The following NCAM2 variants were observed in gnomAD, a reference collection of about 807,000 sequenced individuals.
NCAM2 encodes neural cell adhesion molecule 2, also known as N-CAM-2.
In NCAM2, 30 loss-of-function variants were observed where a neutral mutation model predicts 98.1. The observed-to-expected ratio is 0.31, with a 90% CI of 0.23 to 0.41. The LOEUF is 0.41. NCAM2 is among the 10% of genes least tolerant of loss of function. The pLI is 1.00. For missense variants in NCAM2, 867 were observed against 1,005.8 expected, an observed-to-expected ratio of 0.86 and a Z score of 1.87; for synonymous variants, 368 against 342.4, an observed-to-expected ratio of 1.07 and a Z score of -0.83.
At chr21:21,416,520 A>AAAAC (rs920764935) in intron 10 of NCAM2, among the ~76,000 whole-genome samples, 6 of 151,942 alleles carry the variant, frequency 3.9e-5, no homozygotes, top group African/African-American at 1.5e-4. Context: ...AGAAAAAAGA[A>AAAAC]AAACACTATC....
Position 21,354,216 on chromosome 21 carries a change from G to A in NCAM2, c.1044+15682G>A, listed in dbSNP as rs527990953. Among the ~76,000 whole-genome samples the A allele has an allele frequency of 3.3e-5, 5 of 152,034 alleles. No individual in the cohort carries two copies. The East Asian group carries it at 5.8e-4, about 18-fold the overall frequency. ...TTTATTCCTGTTATACTTCTCCTACGTAGTATAGACCTACATCCACTAGAA... is the reference window on the plus strand; with the variant it reads ...TTTATTCCTGTTATACTTCTCCTACATAGTATAGACCTACATCCACTAGAA... On this transcript the variant is annotated intron_variant, in intron 8 of 17. Transcript: ENST00000400546.
chr21:21,279,581 A>C (rs754002818), intron 1 of NCAM2, among the ~76,000 whole-genome samples: 1 of 151,800 alleles, frequency 6.6e-6, no homozygotes, highest in Non-Finnish European at 1.5e-5. Flanking sequence ...CTGGTCTCAA[A>C]CTCCTGACCT....
intron 5 of NCAM2, among the ~76,000 whole-genome samples, chr21:21,307,068 G>GT (rs34586479): frequency 1 from 152,129 of 152,140 alleles, 76,059 homozygotes; most frequent in Middle Eastern, 1. Flanking sequence ...TACAGTTGTG[G>GT]TTTTTTAATC....
At chr21:21,109,739 C>T (rs2066418835) in intron 1 of NCAM2, among the ~76,000 whole-genome samples, 1 of 152,108 alleles carries the variant, frequency 6.6e-6, no homozygotes, top group South Asian at 2.1e-4. Context: ...TTCTGTTTCT[C>T]AACTGTTAAC....
Position 21,342,596 on chromosome 21 carries a change from C to T in NCAM2, c.1044+4062C>T, listed in dbSNP as rs192067222. Among the ~76,000 whole-genome samples, 8 of 152,272 alleles carry T rather than the reference C, an allele frequency of 5.3e-5. No individual in the cohort carries two copies. The East Asian group carries it at 1.5e-3, about 29-fold the overall frequency. On this transcript the variant is annotated intron_variant, in intron 8 of 17. Coordinates refer to ENST00000400546, the MANE Select transcript of NCAM2 (RefSeq NM_004540.5). The stretch of plus-strand genomic sequence containing the variant: ...AACATTTCAGAAGAATCAGGCCAGA[C>T]AGACACTATCTGGTCTACTCTGACA...
chr21:21,253,518 A>G (rs2071547645), intron 1 of NCAM2, among the ~76,000 whole-genome samples: 1 of 152,150 alleles, frequency 6.6e-6, no homozygotes. Flanking sequence ...ATGCGAGGAC[A>G]CAGCTAGAAG....
chr21:21,280,021 T>C (rs565990727), intron 1 of NCAM2, among the ~76,000 whole-genome samples: 1 of 152,360 alleles, frequency 6.6e-6, no homozygotes, highest in Non-Finnish European at 1.5e-5. Flanking sequence ...AGGCATCTCC[T>C]CTCTTTTATT....
At chr21:21,446,681 C>G (rs1480249009) in intron 12 of NCAM2, among the ~76,000 whole-genome samples, 2 of 152,058 alleles carry the variant, frequency 1.3e-5, no homozygotes, top group East Asian at 1.9e-4. Flanking sequence ...TGCCCTTAAT[C>G]TGATAAGAAA....
chr21:21,531,921 A>G (rs1362770349), intron 16 of NCAM2, among the ~76,000 whole-genome samples: 419 of 150,654 alleles, frequency 2.8e-3, no homozygotes, highest in Non-Finnish European at 5.1e-3. Flanking sequence ...TGAACCCAGG[A>G]GCGGAGCTTG....
At chr21:21,228,927 A>G (rs1238561617) in intron 1 of NCAM2, among the ~76,000 whole-genome samples, 1 of 151,440 alleles carries the variant, frequency 6.6e-6, no homozygotes, top group African/African-American at 2.4e-5. Context: ...TTTGCATTTA[A>G]TTATTGTTTT....
At chr21:21,394,301 T>C (rs892325729) in intron 9 of NCAM2, among the ~76,000 whole-genome samples, 2 of 152,052 alleles carry the variant, frequency 1.3e-5, no homozygotes, top group African/African-American at 4.8e-5. Flanking sequence ...AAATCATTAA[T>C]TGAATTACCC....
At chr21:21,076,848 A>G (rs1164753401) in intron 1 of NCAM2, among the ~76,000 whole-genome samples, 1 of 152,188 alleles carries the variant, frequency 6.6e-6, no homozygotes, top group Non-Finnish European at 1.5e-5. Flanking sequence ...CTTCTTTCTC[A>G]GTTTTCTTCT....
At chr21:21,505,381 G>T (rs1160067171) in intron 15 of NCAM2, among the ~76,000 whole-genome samples, 1 of 152,040 alleles carries the variant, frequency 6.6e-6, no homozygotes, top group Non-Finnish European at 1.5e-5. Context: ...ATCCAATCAT[G>T]CTGGTACCTT....
chr21:21,223,905 C>A (rs1322180464), intron 1 of NCAM2, among the ~76,000 whole-genome samples: 1 of 152,088 alleles, frequency 6.6e-6, no homozygotes, highest in Admixed American at 6.6e-5. Flanking sequence ...AAAGCATTTG[C>A]TATCATCACA....
intron 8 of NCAM2, among the ~76,000 whole-genome samples, chr21:21,370,265 C>T (rs144730518): frequency 1.3e-3 from 191 of 151,856 alleles, no homozygotes; most frequent in Non-Finnish European, 2.4e-3. Context: ...ATCCTTATGA[C>T]CTGAGAGACC....
intron 1 of NCAM2, 37 bp downstream of exon 1, chr21:20,998,655 C>T (rs1384987614): frequency 3.8e-6 from 6 of 1,592,554 alleles, no homozygotes; most frequent in Non-Finnish European, 5.2e-6. Context: ...TACTTTCCCT[C>T]CCCCTTCCAC....
At chr21:21,064,356 T>C (rs1319205365) in intron 1 of NCAM2, among the ~76,000 whole-genome samples, 3 of 152,244 alleles carry the variant, frequency 2.0e-5, no homozygotes, top group Non-Finnish European at 4.4e-5. Flanking sequence ...GGCCTAGAAC[T>C]TCTATGGAAT....
intron 15 of NCAM2, among the ~76,000 whole-genome samples, chr21:21,482,482 A>G (rs1044299259): frequency 6.6e-6 from 1 of 152,062 alleles, no homozygotes. Context: ...ATTTATTTTT[A>G]TATTTCATGC....
chr21:21,517,413 A>G (rs2146378337), intron 16 of NCAM2, among the ~76,000 whole-genome samples: 1 of 152,316 alleles, frequency 6.6e-6, no homozygotes, highest in East Asian at 1.9e-4. Flanking sequence ...TTTCTGTCAC[A>G]TATAAGAAGA....
Sources: allele counts gnomAD v4.1 joint callset (sites outside exome capture counted in the v4.1 genomes callset), GRCh38; gene constraint gnomAD v4.1.1; transcripts MANE v1.5; gene names NCBI Gene and HGNC (gene_info 2026-07-23, HGNC 2026-07-21).